NTRK1: variants seen among roughly 807,000 people sequenced by gnomAD.
NTRK1 encodes the protein neurotrophic receptor tyrosine kinase 1.
In NTRK1, 62 loss-of-function variants were observed where a neutral mutation model predicts 86.8. That is an observed-to-expected ratio of 0.71 (90% CI 0.58 to 0.88). NTRK1 has a LOEUF of 0.88. Among genes scored for constraint, NTRK1 ranks in the 40% least tolerant of loss-of-function variants. The pLI, the probability that NTRK1 is intolerant of heterozygous loss-of-function variation, is 0.00. For missense variants in NTRK1, 967 were observed against 1,078.4 expected (o/e 0.90, Z 1.45); for synonymous variants, 469 against 456.6 (o/e 1.03, Z -0.35).
At chr1:156,843,065 C>T (rs771531496) in intron 2 of NTRK1, 17 of 1,614,160 alleles carry the variant, frequency 1.1e-5, no homozygotes, top group Admixed American at 6.7e-5. Context: ...AATGCATTCC[C>T]GTGGGCTGGC....
At chr1:156,844,465 G>A (rs868515305) in intron 2 of NTRK1, 1 of 1,613,364 alleles carries the variant, frequency 6.2e-7, no homozygotes, top group Admixed American at 1.7e-5. Context: ...TGTATACCTG[G>A]GCCAAGGATG....
intron 2 of NTRK1, chr1:156,844,868 C>T (rs781243591): frequency 6.2e-7 from 1 of 1,613,016 alleles, no homozygotes; most frequent in East Asian, 2.2e-5. Context: ...ATCCAGCAGC[C>T]GGGCCAAAAG....
At chr1:156,843,478 T>A in intron 2 of NTRK1, 1 of 1,614,168 alleles carries the variant, frequency 6.2e-7, no homozygotes, top group African/African-American at 1.3e-5. Flanking sequence ...AGGGTTCTGT[T>A]TCTGCAACGG....
intron 1 of NTRK1, among the ~76,000 whole-genome samples, chr1:156,828,928 T>C (rs560366682): frequency 6.6e-6 from 1 of 152,338 alleles, no homozygotes; most frequent in Non-Finnish European, 1.5e-5. Context: ...GTTCTATTTA[T>C]TATACCCTTA....
chr1:156,841,830 G>T (rs770935143), intron 1 of NTRK1: 1 of 1,614,050 alleles, frequency 6.2e-7, no homozygotes, highest in Non-Finnish European at 8.5e-7. Context: ...GAGGTGTGGG[G>T]CATAAGAGCC....
At chr1:156,842,914 G>T (rs921989048) in intron 2 of NTRK1, 3 of 990,446 alleles carry the variant, frequency 3.0e-6, no homozygotes, top group African/African-American at 1.6e-5. Context: ...GACCTTAATG[G>T]TGCCCTAACC....
chr1:156,840,977 C>A (rs1253041291), intron 1 of NTRK1: 2 of 1,613,688 alleles, frequency 1.2e-6, no homozygotes, highest in African/African-American at 2.7e-5. Flanking sequence ...CCCCGGCATT[C>A]CGGGCTGTAG....
intron 11 of NTRK1, 55 bp downstream of exon 11, chr1:156,875,063 C>T: frequency 7.8e-7 from 1 of 1,287,780 alleles, no homozygotes; most frequent in Non-Finnish European, 1.1e-6. Flanking sequence ...GCTTTGTTTC[C>T]TACTGGCTCT....
intron 14 of NTRK1, among the ~76,000 whole-genome samples, chr1:156,878,633 T>G (rs1477120871): frequency 6.6e-6 from 1 of 152,108 alleles, no homozygotes; most frequent in Non-Finnish European, 1.5e-5. Flanking sequence ...AAGGCGGGCA[T>G]CCTGGACACC....
chr1:156,859,652 T>C (rs987192791), upstream of NTRK1, among the ~76,000 whole-genome samples: 2 of 152,110 alleles, frequency 1.3e-5, no homozygotes, highest in Non-Finnish European at 2.9e-5. This position sits in a 1 kb window ranked among gnomAD's most constrained non-coding sequence, Gnocchi z 6.2. Context: ...GCGATCACTG[T>C]GTAGGGCTCT....
intron 1 of NTRK1, among the ~76,000 whole-genome samples, chr1:156,823,902 T>A (rs574810053): frequency 6.6e-6 from 1 of 152,238 alleles, no homozygotes; most frequent in Non-Finnish European, 1.5e-5. Context: ...GCCTCCCCAG[T>A]GATAGATGCT....
intron 14 of NTRK1, among the ~76,000 whole-genome samples, chr1:156,877,115 G>A (rs1647967829): frequency 6.6e-6 from 1 of 152,104 alleles, no homozygotes; most frequent in Non-Finnish European, 1.5e-5. Context: ...CAAATTCCTG[G>A]GCTCAAGCAA....
intron 4 of NTRK1, 57 bp downstream of exon 4, chr1:156,867,035 CTTGGGTCTG>C: frequency 1.3e-6 from 2 of 1,569,928 alleles, no homozygotes; most frequent in Admixed American, 3.3e-5. Context: ...CCTGTGTGCA[CTTGGGTCTG>C]TTGGATGACA....
At chr1:156,851,760 A>T (rs1238459570) in intron 2 of NTRK1, 11 of 1,612,640 alleles carry the variant, frequency 6.8e-6, no homozygotes, top group Non-Finnish European at 8.5e-6. Flanking sequence ...TCTTTAGGGC[A>T]CAGCCCCTCG....
rs368713268 is a variant in NTRK1 at position 156,880,167 on chromosome 1, G to T, written c.2205+10G>T. The T allele has an allele frequency of 6.2e-7, 1 of 1,610,420 alleles. No individual in the cohort carries two copies. Among genetic ancestry groups the T allele is most frequent in the Non-Finnish European group, 8.5e-7 (1 of 1,179,674 alleles). On this transcript the variant is annotated intron_variant, in intron 16 of 16. Transcript: ENST00000524377. ...GCTCTCCAACACGGAGGTCAGCCCC[G>T]GCCCATGGTCACCCCTTGCTGGCCT...
exon 2 of NTRK1, chr1:156,842,125 G>A (rs1654817130): frequency 3.7e-6 from 6 of 1,614,012 alleles, no homozygotes; most frequent in Non-Finnish European, 5.1e-6. Context: ...CGATCTTGAC[G>A]GTGAAGTCCT....
At chr1:156,873,586 C>T (rs746858203) in intron 7 of NTRK1, 47 bp from the exon 8 acceptor site, 1 of 1,551,654 alleles carries the variant, frequency 6.4e-7, no homozygotes, top group Non-Finnish European at 8.8e-7. Flanking sequence ...GCCAGGCTCC[C>T]TCCAGCTGCG....
intron 6 of NTRK1, 33 bp from the exon 7 acceptor site, chr1:156,871,590 C>T (rs1439733297): frequency 1.2e-6 from 2 of 1,613,656 alleles, no homozygotes; most frequent in African/African-American, 1.3e-5. Flanking sequence ...GGCTAAAGCT[C>T]CTTCTTATTC....
intron 1 of NTRK1, among the ~76,000 whole-genome samples, chr1:156,821,453 CTGTGTGTGTGTGTGTG>C (rs59579534): frequency 5.8e-5 from 8 of 137,936 alleles, no homozygotes; most frequent in Non-Finnish European, 1.1e-4. Flanking sequence ...CTAATTTAGC[CTGTGTGTGTGTGTGTG>C]TGTGTGTGTG....
Sources: allele counts gnomAD v4.1 joint callset (sites outside exome capture counted in the v4.1 genomes callset), GRCh38; gene constraint gnomAD v4.1.1; non-coding constraint Gnocchi (gnomAD v3.1); transcripts MANE v1.5; gene names NCBI Gene and HGNC (gene_info 2026-07-23, HGNC 2026-07-21).